HLCS: variants seen among roughly 807,000 people sequenced by gnomAD.
HLCS encodes the protein biotin--protein ligase.
In HLCS, 53 loss-of-function variants were observed where a neutral mutation model predicts 75.0. That is an observed-to-expected ratio of 0.71 (90% confidence interval 0.57 to 0.89). The LOEUF (loss-of-function observed/expected upper bound fraction) is 0.89. HLCS is among the 40% of genes least tolerant of loss of function. The pLI is 0.00. For missense variants in HLCS, 966 were observed against 1,074.0 expected, an observed-to-expected ratio of 0.90 and a Z score of 1.41; for synonymous variants, 431 against 428.6, an observed-to-expected ratio of 1.01 and a Z score of -0.07.
At chr21:36,788,210 C>G (rs1002889008) in intron 6 of HLCS, among the ~76,000 whole-genome samples, 1 of 152,188 alleles carries the variant, frequency 6.6e-6, no homozygotes, top group Non-Finnish European at 1.5e-5. Flanking sequence ...TCCTGAATGT[C>G]CCTAAGGGGC....
intron 2 of HLCS, among the ~76,000 whole-genome samples, chr21:36,950,467 CTT>C (rs200926854): frequency 6.9e-6 from 1 of 145,966 alleles, no homozygotes; most frequent in Admixed American, 6.9e-5. Flanking sequence ...GAGAACCAAT[CTT>C]TTTTTTTTTT....
At chr21:36,906,677 CTTTT>C (rs59652867) in intron 5 of HLCS, among the ~76,000 whole-genome samples, 2 of 131,364 alleles carry the variant, frequency 1.5e-5, no homozygotes. Flanking sequence ...TCCCAGAAGG[CTTTT>C]TTTTTTTTTT....
chr21:36,766,522 C>G (rs2090041509), intron 7 of HLCS, among the ~76,000 whole-genome samples: 1 of 151,992 alleles, frequency 6.6e-6, no homozygotes, highest in African/African-American at 2.4e-5. Context: ...AAGTGGAGAA[C>G]AGCAGATTTC....
chr21:36,966,421 G>GGCCCC, intron 1 of HLCS, 23 bp downstream of exon 1: 6 of 473,748 alleles, frequency 1.3e-5, no homozygotes, highest in South Asian at 8.8e-5. Context: ...GGCCCGGGTC[G>GGCCCC]CCCGCCCGCC....
At chr21:36,989,896 C>G (rs575860366) in intron 1 of HLCS, among the ~76,000 whole-genome samples, 1 of 152,072 alleles carries the variant, frequency 6.6e-6, no homozygotes, top group Non-Finnish European at 1.5e-5. Flanking sequence ...GCCCGGGTCC[C>G]GCAGGGAAGA....
chr21:36,896,493 A>G (rs1487147848), intron 6 of HLCS: 2 of 302,908 alleles, frequency 6.6e-6, no homozygotes, highest in African/African-American at 4.3e-5. Flanking sequence ...AACATCCTGT[A>G]TTAAATGTCT....
chr21:36,854,145 CTCTT>C (rs2063106764), intron 6 of HLCS, among the ~76,000 whole-genome samples: 1 of 152,096 alleles, frequency 6.6e-6, no homozygotes, highest in African/African-American at 2.4e-5. Context: ...AGACATGAGA[CTCTT>C]TGAACGTCAA....
chr21:36,888,445 AATATATATATATAT>A lies in HLCS; in HGVS notation c.1892+8401_1892+8414del, dbSNP rs71198839. Among the ~76,000 whole-genome samples, 135 of 24,086 alleles carry A rather than the reference AATATATATATATAT, an allele frequency of 5.6e-3. 2 individuals carry two copies. Among genetic ancestry groups the A allele is most frequent in the African/African-American group, 0.016 (129 of 7,884 alleles). 15.8% of individuals were successfully genotyped at this position (24,086 alleles called of 152,430 possible). A position where few individuals can be genotyped will look rare whatever the true frequency, so the allele number is the denominator to read the frequency against. ...CCCCTTCCCATTTAAAAAAAAAAAA[AATATATATATATAT>A]ATATATATATATATATATATATATA... is the stretch of plus-strand genomic sequence containing the variant. On this transcript the variant is annotated intron_variant, in intron 6 of 10. Transcript: ENST00000674895.
At chr21:36,761,894 C>T (rs1203163881) in intron 8 of HLCS, among the ~76,000 whole-genome samples, 6 of 152,204 alleles carry the variant, frequency 3.9e-5, no homozygotes, top group African/African-American at 1.4e-4. Flanking sequence ...TCCTCCGCCA[C>T]GTGCGTGGCA....
At chr21:36,821,205 G>C (rs941403866) in intron 6 of HLCS, among the ~76,000 whole-genome samples, 5 of 152,174 alleles carry the variant, frequency 3.3e-5, no homozygotes, top group African/African-American at 1.2e-4. Context: ...ACACCACCTT[G>C]GGCAGGGGGC....
At chr21:36,819,189 C>T (rs1189921109) in intron 6 of HLCS, among the ~76,000 whole-genome samples, 2 of 152,188 alleles carry the variant, frequency 1.3e-5, no homozygotes, top group Non-Finnish European at 2.9e-5. Flanking sequence ...AATAAGTAGA[C>T]TCAGATTGCC....
At chr21:36,860,866 T>A (rs546655105) in intron 6 of HLCS, among the ~76,000 whole-genome samples, 2 of 152,374 alleles carry the variant, frequency 1.3e-5, no homozygotes, top group East Asian at 3.9e-4. Context: ...GAGGCACTTA[T>A]CTACTTTAAC....
chr21:36,859,960 C>G (rs1352212351), intron 6 of HLCS, among the ~76,000 whole-genome samples: 1 of 152,216 alleles, frequency 6.6e-6, no homozygotes, highest in Non-Finnish European at 1.5e-5. Flanking sequence ...TGACCCCATC[C>G]TGAAATTGTT....
Position 36,897,108 on chromosome 21 carries a change from C to T in HLCS, c.1644G>A (p.Gln548=), listed in dbSNP as rs1366041798. 1 of 1,614,140 alleles carries T rather than the reference C, an allele frequency of 6.2e-7. No homozygotes were observed. Among genetic ancestry groups the T allele is most frequent in the East Asian group, 2.2e-5 (1 of 44,882 alleles). ...CGGAGTCCACATGTTTCCCAAGCCACTGCATAAGAGGATCCCTGATTTCCT... is the reference window on the plus strand; with the variant it reads ...CGGAGTCCACATGTTTCCCAAGCCATTGCATAAGAGGATCCCTGATTTCCT... ...AAEEIRDPLM[Q]WLGKHVDSEG... Residue 548 remains glutamine (Q), a synonymous_variant, in exon 6 of 11, where the codon CAG becomes CAA. Transcript: ENST00000674895.
intron 6 of HLCS, among the ~76,000 whole-genome samples, chr21:36,881,467 A>G (rs1253861653): frequency 6.6e-6 from 1 of 152,218 alleles, no homozygotes; most frequent in Non-Finnish European, 1.5e-5. Flanking sequence ...GAAGCTGGGA[A>G]GCACGGAATG....
chr21:36,770,181 T>C (rs1479845463), intron 6 of HLCS, among the ~76,000 whole-genome samples: 1 of 145,912 alleles, frequency 6.9e-6, no homozygotes, highest in East Asian at 2.0e-4. Context: ...AGTCTCACTC[T>C]GTCGCCCAGG....
intron 6 of HLCS, among the ~76,000 whole-genome samples, chr21:36,771,251 A>AATAAATAAAT (rs2060199123): frequency 7.3e-6 from 1 of 136,378 alleles, no homozygotes; most frequent in African/African-American, 3.1e-5. Context: ...AATAAATATA[A>AATAAATAAAT]AATAAAATAA....
intron 1 of HLCS, among the ~76,000 whole-genome samples, chr21:36,989,683 A>G (rs1255473286): frequency 6.6e-6 from 1 of 151,386 alleles, no homozygotes; most frequent in Non-Finnish European, 1.5e-5. Context: ...CCGGGCACTT[A>G]GGCGCTGGGT....
intron 6 of HLCS, among the ~76,000 whole-genome samples, chr21:36,850,286 G>T (rs892386902): frequency 6.6e-6 from 1 of 152,154 alleles, no homozygotes; most frequent in Non-Finnish European, 1.5e-5. Context: ...ACTAAAGAAG[G>T]GACTCGGAGA....
Sources: allele counts gnomAD v4.1 joint callset (sites outside exome capture counted in the v4.1 genomes callset), GRCh38; gene constraint gnomAD v4.1.1; transcripts MANE v1.5; gene names NCBI Gene and HGNC (gene_info 2026-07-23, HGNC 2026-07-21).